The following CCSAP variants were observed in gnomAD, a reference collection of about 807,000 sequenced individuals.
The protein encoded by CCSAP is centriole, cilia and spindle associated protein.
CCSAP carries 17 observed loss-of-function variants against 25.9 expected under a neutral mutation model. That is an observed-to-expected ratio of 0.66 (90% confidence interval 0.45 to 0.99). The LOEUF is 0.99. CCSAP is among the 50% of genes least tolerant of loss of function. The pLI, the probability that CCSAP is intolerant of heterozygous loss-of-function variation, is 0.00. For synonymous variants in CCSAP, 169 were observed against 157.1 expected, an observed-to-expected ratio of 1.08 and a Z score of -0.57; for missense variants, 339 against 367.8, an observed-to-expected ratio of 0.92 and a Z score of 0.64.
Position 229,342,195 on chromosome 1 carries a change from C to G in CCSAP, c.271G>C (p.Glu91Gln), listed in dbSNP as rs1558253768. The G allele has an allele frequency of 7.9e-7, 1 of 1,267,076 alleles. No individual in the cohort carries two copies. Among genetic ancestry groups the G allele is most frequent in the Non-Finnish European group, 9.9e-7 (1 of 1,008,888 alleles). 78.5% of individuals were successfully genotyped at this position (1,267,076 alleles called of 1,614,324 possible). ...CCGCGCGCCCGCCGTTCCGCCTCCT[C>G]CTGGGTCGCCGGCTCTACGGGCGGC... The part of the protein sequence containing the change: ...PPPPVEPATQ[E>Q]EAERRARGAP... Residue 91 changes from glutamate (E) to glutamine (Q), a missense_variant, in exon 2 of 4, where the codon GAG becomes CAG. By Grantham distance (29) the Glu-to-Gln change is conservative. Transcript: ENST00000284617. This position sits in a 1 kb window ranked among gnomAD's most constrained non-coding sequence, Gnocchi z 7.5.
chr1:229,339,268 T>G (rs1287907324), intron 2 of CCSAP, among the ~76,000 whole-genome samples: 2 of 152,130 alleles, frequency 1.3e-5, no homozygotes, highest in African/African-American at 2.4e-5. Context: ...GAAAGCTTCC[T>G]GAGGGCAACA....
Position 229,323,226 on chromosome 1 carries a change from A to G in CCSAP, c.*2009T>C, listed in dbSNP as rs758795191. 6 of 152,258 alleles carry G rather than the reference A, an allele frequency of 3.9e-5. No individual in the cohort carries two copies. Among genetic ancestry groups the G allele is most frequent in the East Asian group, 3.8e-4 (2 of 5,208 alleles). 9.4% of individuals were successfully genotyped at this position (152,258 alleles called of 1,614,324 possible). A position where few individuals can be genotyped will look rare whatever the true frequency, so the allele number is the denominator to read the frequency against. ...CTTAAAAAGAGGAAAAAATTGGCCAATATTTGCCTTCTACATTATATCTCT... is the reference window on the plus strand; with the variant it reads ...CTTAAAAAGAGGAAAAAATTGGCCAGTATTTGCCTTCTACATTATATCTCT... On this transcript the variant is annotated 3_prime_UTR_variant, in exon 4 of 4. Coordinates refer to ENST00000284617, the MANE Select transcript of CCSAP (RefSeq NM_145257.5).
chr1:229,333,259 C>T (rs151461), intron 2 of CCSAP, among the ~76,000 whole-genome samples: 136,879 of 151,758 alleles, frequency 0.9, 61,731 homozygotes, highest in East Asian at 0.97. Flanking sequence ...GGTGAAACCC[C>T]GTCTCTACTA....
At chr1:229,336,726 CA>C (rs1244397790) in intron 2 of CCSAP, among the ~76,000 whole-genome samples, 60 of 152,146 alleles carry the variant, frequency 3.9e-4, no homozygotes, top group African/African-American at 1.4e-3. Flanking sequence ...CAAAATTATG[CA>C]GAAAAAGGCA....
rs1264001621 is a variant in CCSAP at position 229,321,678 on chromosome 1, GTTT to G, written c.*3554_*3556del. ...GAAATGTAAAACTATCCATCAAACTGTTTTTTACCAAAGCAGTCAACAAGAAAA... is the reference window on the plus strand; with the variant it reads ...GAAATGTAAAACTATCCATCAAACTGTTTACCAAAGCAGTCAACAAGAAAA... On this transcript the variant is annotated 3_prime_UTR_variant, in exon 4 of 4. Coordinates refer to ENST00000284617, the MANE Select transcript of CCSAP (RefSeq NM_145257.5). The G allele has an allele frequency of 3.9e-5, 6 of 152,120 alleles. No homozygotes were observed. The highest frequency in any genetic ancestry group is 1.4e-4 in the African/African-American group (6 of 41,410). The allele number at this position is 152,120 out of a possible 1,614,324, so 9.4% of individuals were successfully genotyped here.
At position 229,321,707 on chromosome 1, in the gene CCSAP, AT is replaced by A. The variant is rs1415403652; in HGVS notation, c.*3527del. 2 of 152,162 alleles carry A rather than the reference AT, an allele frequency of 1.3e-5. No homozygotes were observed. Among genetic ancestry groups the A allele is most frequent in the Non-Finnish European group, 2.9e-5 (2 of 68,022 alleles). 9.4% of individuals were successfully genotyped at this position (152,162 alleles called of 1,614,324 possible). A position where few individuals can be genotyped will look rare whatever the true frequency, so the allele number is the denominator to read the frequency against. On this transcript the variant is annotated 3_prime_UTR_variant, in exon 4 of 4. Coordinates refer to ENST00000284617, the MANE Select transcript of CCSAP (RefSeq NM_145257.5). ...TTTACCAAAGCAGTCAACAAGAAAAATTGTTTTACTTCTGATATATGCTTTG... is the reference window on the plus strand; with the variant it reads ...TTTACCAAAGCAGTCAACAAGAAAAATGTTTTACTTCTGATATATGCTTTG...
Position 229,342,188 on chromosome 1 carries a change from G to C in CCSAP, c.278C>G (p.Ala93Gly). 1 of 1,280,074 alleles carries C rather than the reference G, an allele frequency of 7.8e-7. No individual in the cohort carries two copies. Among genetic ancestry groups the C allele is most frequent in the South Asian group, 2.7e-5 (1 of 36,944 alleles). The allele number at this position is 1,280,074 out of a possible 1,614,324, so 79.3% of individuals were successfully genotyped here. A position where few individuals can be genotyped will look rare whatever the true frequency, so the allele number is the denominator to read the frequency against. ...PPVEPATQEE[A>G]ERRARGAPEE... is the part of the protein sequence containing the mutation. ...CGGGGCCCCGCGCGCCCGCCGTTCC[G>C]CCTCCTCCTGGGTCGCCGGCTCTAC... Residue 93 changes from alanine to glycine, a missense_variant, in exon 2 of 4, where the codon GCG becomes GGG. Transcript: ENST00000284617. The surrounding 1 kb of genome is among the most constrained non-coding windows in gnomAD (Gnocchi z 7.5).
At chr1:229,331,716 T>C (rs772017320) in intron 2 of CCSAP, among the ~76,000 whole-genome samples, 24 of 151,950 alleles carry the variant, frequency 1.6e-4, no homozygotes, top group Non-Finnish European at 2.9e-4. Context: ...CGAGACAGCA[T>C]GGAAGCTTCT....
intron 2 of CCSAP, among the ~76,000 whole-genome samples, chr1:229,331,253 C>G (rs985491620): frequency 6.6e-6 from 1 of 151,540 alleles, no homozygotes; most frequent in African/African-American, 2.4e-5. Context: ...CAAGGGGGAC[C>G]GGGAGAAGCA....
chr1:229,327,923 G>C (rs965358979), intron 2 of CCSAP, among the ~76,000 whole-genome samples: 1 of 151,200 alleles, frequency 6.6e-6, no homozygotes, highest in African/African-American at 2.4e-5. Flanking sequence ...CCCAACACTT[G>C]CAACGGAAAT....
chr1:229,327,538 A>C (rs1376954317), intron 2 of CCSAP: 2 of 456,216 alleles, frequency 4.4e-6, no homozygotes, highest in East Asian at 6.9e-5. Context: ...GTTACCGCCT[A>C]GGTGCGCAGC....
intron 2 of CCSAP, among the ~76,000 whole-genome samples, chr1:229,338,316 G>A (rs984314147): frequency 1.3e-5 from 2 of 152,130 alleles, no homozygotes; most frequent in African/African-American, 4.8e-5. Flanking sequence ...AAGGAGCAAG[G>A]GGCATGGGTG....
chr1:229,327,648 T>C (rs1657974146), intron 2 of CCSAP: 2 of 452,496 alleles, frequency 4.4e-6, no homozygotes, highest in Non-Finnish European at 8.9e-6. Flanking sequence ...GGCGAGCGGA[T>C]CACGAGGTCA....
chr1:229,326,838 T>C lies in CCSAP; in HGVS notation c.536A>G (p.Glu179Gly). 1.2e-6 allele frequency: 2 copies of C among 1,614,184 alleles called. No individual in the cohort carries two copies. Among genetic ancestry groups the C allele is most frequent in the African/African-American group, 1.3e-5 (1 of 75,060 alleles). ...ATAAAGAGCAAATGGATGCTTGTTTTCTTTTATTTTACTCGATGATCTTTG... is the reference window on the plus strand; with the variant it reads ...ATAAAGAGCAAATGGATGCTTGTTTCCTTTTATTTTACTCGATGATCTTTG... ...SPQRSSSKIK[E>G]NKHPFALYGW... The change falls in exon 3 of 4, where the codon GAA becomes GGA. Residue 179 changes from glutamate to glycine, a missense_variant. Coordinates refer to ENST00000284617, the MANE Select transcript of CCSAP (RefSeq NM_145257.5).
In CCSAP at chr1:229,325,320, A is replaced by G. The variant is rs759756701; in HGVS notation, c.728T>C (p.Val243Ala). ...AQRQRAHSVDVEKNRKMKASS... is the reference protein window; with the variant it reads ...AQRQRAHSVDAEKNRKMKASS... ...AGCCTTCATCTTTCTGTTCTTCTCC[A>G]CATCCACAGAGTGAGCTCGCTGCCT... The change falls in exon 4 of 4, where the codon GTG becomes GCG. Residue 243 changes from valine to alanine, a missense_variant. Physicochemically the swap from Val to Ala is moderately conservative, Grantham distance 64 (BLOSUM62 0). Transcript: ENST00000284617. 1 of 1,614,208 alleles carries G rather than the reference A, an allele frequency of 6.2e-7. No individual in the cohort carries two copies. Among genetic ancestry groups the G allele is most frequent in the Non-Finnish European group, 8.5e-7 (1 of 1,180,032 alleles).
chr1:229,327,169 T>C (rs6665503), intron 2 of CCSAP, 163 bp from the exon 3 acceptor site: 6,575 of 596,868 alleles, frequency 0.011, 354 homozygotes, highest in African/African-American at 0.11. Context: ...CAAGTTAGCA[T>C]AATTTTCAAA....
chr1:229,337,675 A>AC (rs1297827604), intron 2 of CCSAP, among the ~76,000 whole-genome samples: 6 of 67,284 alleles, frequency 8.9e-5, no homozygotes, highest in Non-Finnish European at 1.6e-4. Context: ...AGGCTCAAAA[A>AC]AAAATATATA....
intron 2 of CCSAP, among the ~76,000 whole-genome samples, chr1:229,339,754 G>A (rs1182941719): frequency 6.6e-6 from 1 of 151,988 alleles, no homozygotes; most frequent in Admixed American, 6.5e-5. Context: ...GTTGTATTGT[G>A]AAAGAAAAAA....
chr1:229,338,626 C>T (rs1265858528), intron 2 of CCSAP, among the ~76,000 whole-genome samples: 3 of 150,492 alleles, frequency 2.0e-5, no homozygotes, highest in East Asian at 3.9e-4. Context: ...GAATGAGAAA[C>T]GAAGGATCAT....
Sources: gnomAD v4.1 joint callset for allele counts (sites outside exome capture counted in the v4.1 genomes callset) on GRCh38, gnomAD v4.1.1 for gene constraint, Gnocchi (gnomAD v3.1) non-coding constraint, MANE v1.5 for transcripts, NCBI Gene and HGNC (gene_info 2026-07-23, HGNC 2026-07-21) for gene names.